Variants in ZNF717 observed in about 807,000 individuals in gnomAD.
ZNF717 encodes krueppel-like factor X17.
A neutral mutation model predicts 13.8 loss-of-function variants in ZNF717; 9 were observed. The observed-to-expected ratio is 0.65, with a 90% confidence interval of 0.39 to 1.14. The LOEUF (loss-of-function observed/expected upper bound fraction) is 1.14, where lower values mean the gene tolerates loss of function less well. ZNF717 is among the 50% of genes most tolerant of loss of function. The probability of loss-of-function intolerance (pLI) is 0.01; values close to 1 mark genes in which losing one functional copy is unlikely to be tolerated. For synonymous variants in ZNF717, 327 were observed against 364.1 expected (o/e 0.90, Z 1.16); for missense variants, 1,040 against 1,080.7 (o/e 0.96, Z 0.53).
At chr3:75,741,068 G>A (rs1485395846) in intron 4 of ZNF717, among the ~76,000 whole-genome samples, 2 of 152,192 alleles carry the variant, frequency 1.3e-5, no homozygotes, top group Non-Finnish European at 2.9e-5. Flanking sequence ...TGGATTTGGG[G>A]TAAATAGAAG....
At chr3:75,775,065 G>T (rs780073826) in intron 2 of ZNF717, among the ~76,000 whole-genome samples, 2 of 138,088 alleles carry the variant, frequency 1.4e-5, no homozygotes, top group African/African-American at 5.3e-5. Context: ...GGGTTCAAGC[G>T]ATTCTCCTGC....
At chr3:75,774,784 C>A (rs1323883790) in intron 2 of ZNF717, among the ~76,000 whole-genome samples, 2 of 151,804 alleles carry the variant, frequency 1.3e-5, no homozygotes, top group African/African-American at 2.4e-5. Context: ...CCACGCCTGG[C>A]TAATTTTTGT....
At chr3:75,712,748 C>T (rs1448268871) in intron 5 of ZNF717, among the ~76,000 whole-genome samples, 12 of 152,198 alleles carry the variant, frequency 7.9e-5, no homozygotes, top group Non-Finnish European at 1.6e-4. Flanking sequence ...CTTCACATCT[C>T]TCTCTTCTAC....
Position 75,762,075 on chromosome 3 carries a change from GAA to G in ZNF717, c.58-20341_58-20340del, listed in dbSNP as rs544755359. On this transcript the variant is annotated intron_variant, in intron 2 of 4. Coordinates refer to ENST00000652011, the MANE Select transcript of ZNF717 (RefSeq NM_001290208.3). ...TCTCAAAAAAAAGAAAGAAAGGAAA[GAA>G]AGAGAGAGAAAGAAAAGAAAAAAAG... 9.9e-5 allele frequency among the ~76,000 whole-genome samples: 14 copies of G among 142,102 alleles called. No homozygotes were observed. The East Asian group carries it at 1.6e-3, about 17-fold the overall frequency. The allele number at this position is 142,102 out of a possible 152,430, so 93.2% of individuals were successfully genotyped here. A position where few individuals can be genotyped will look rare whatever the true frequency, so the allele number is the denominator to read the frequency against.
At position 75,739,065 on chromosome 3, in the gene ZNF717, G is replaced by C. The variant is rs1939972481; in HGVS notation, c.558C>G (p.Thr186=). The change falls in exon 5 of 5, where the codon ACC becomes ACG. Residue 186 remains threonine (T), a synonymous_variant. Transcript: ENST00000652011. ...GTTCATGATGTCTGTGGGATCTCCT[G>C]GTTATATCACAGACATGAGGTTTCT... ...SGEKPHVCDI[T]RRSHRHHEHL... 1 of 1,551,448 alleles carries C rather than the reference G, an allele frequency of 6.4e-7. No homozygotes were observed. The highest frequency in any genetic ancestry group is 2.0e-5 in the Admixed American group (1 of 50,974).
chr3:75,762,759 A>G (rs1943140820), intron 2 of ZNF717, among the ~76,000 whole-genome samples: 1 of 152,214 alleles, frequency 6.6e-6, no homozygotes, highest in African/African-American at 2.4e-5. Context: ...ATCAATCTTG[A>G]AACAGAACAA....
intron 2 of ZNF717, among the ~76,000 whole-genome samples, chr3:75,767,150 C>A (rs1943535084): frequency 6.6e-6 from 1 of 152,250 alleles, no homozygotes; most frequent in South Asian, 2.1e-4. Context: ...CAGGAAATCC[C>A]ACTTCCCTGA....
intron 2 of ZNF717, among the ~76,000 whole-genome samples, chr3:75,765,590 T>C (rs1052507904): frequency 7.0e-6 from 1 of 143,380 alleles, no homozygotes; most frequent in Non-Finnish European, 1.5e-5. Flanking sequence ...TTTGGTTTGG[T>C]TTTTTTGTAG....
intron 1 of ZNF717, among the ~76,000 whole-genome samples, chr3:75,784,373 T>C (rs1180724124): frequency 1.3e-5 from 2 of 152,360 alleles, no homozygotes; most frequent in East Asian, 3.9e-4. Flanking sequence ...TGAACAGAAT[T>C]CAATATGTTT....
intron 4 of ZNF717, among the ~76,000 whole-genome samples, chr3:75,724,957 T>G (rs1419434015): frequency 6.6e-6 from 1 of 152,284 alleles, no homozygotes; most frequent in Non-Finnish European, 1.5e-5. Flanking sequence ...TCTTAAGTAT[T>G]CTTCTACTCA....
chr3:75,776,551 C>G (rs572470765), intron 2 of ZNF717, among the ~76,000 whole-genome samples: 29 of 152,356 alleles, frequency 1.9e-4, no homozygotes, highest in Admixed American at 3.3e-4. Context: ...CCTTCACAAT[C>G]TAGAATCTGA....
chr3:75,741,106 G>A (rs1431682960), intron 4 of ZNF717, among the ~76,000 whole-genome samples, 170 bp downstream of exon 4: 3 of 152,304 alleles, frequency 2.0e-5, no homozygotes, highest in East Asian at 1.9e-4. Flanking sequence ...AAGAGACTGG[G>A]ATATATGCAT....
Position 75,736,327 on chromosome 3 carries a change from C to T in ZNF717, c.*551G>A, listed in dbSNP as rs559741342. 1 of 154,498 alleles carries T rather than the reference C, an allele frequency of 6.5e-6. No homozygotes were observed. The highest frequency in any genetic ancestry group is 2.4e-5 in the African/African-American group (1 of 41,586). 9.6% of individuals were successfully genotyped at this position (154,498 alleles called of 1,614,324 possible). A position where few individuals can be genotyped will look rare whatever the true frequency, so the allele number is the denominator to read the frequency against. ...AAATCAAAAGGTAGAAATCATCGAG[C>T]TTAGTGAAGAAAGCATGTTGGAAGC... On this transcript the variant is annotated 3_prime_UTR_variant, in exon 5 of 5. Coordinates refer to ENST00000652011, the MANE Select transcript of ZNF717 (RefSeq NM_001290208.3).
At chr3:75,777,715 C>A (rs562748137) in intron 2 of ZNF717, among the ~76,000 whole-genome samples, 8 of 146,510 alleles carry the variant, frequency 5.5e-5, no homozygotes, top group Non-Finnish European at 9.0e-5. Context: ...ATGGGAGTGA[C>A]GTGCTAAACC....
chr3:75,698,820 G>A (rs1937633814), intron 6 of ZNF717, among the ~76,000 whole-genome samples: 1 of 152,310 alleles, frequency 6.6e-6, no homozygotes, highest in African/African-American at 2.4e-5. Flanking sequence ...GCGAGGAGAA[G>A]ATCACTGTCC....
downstream of ZNF717, among the ~76,000 whole-genome samples, chr3:75,708,335 C>T (rs528443730): frequency 6.6e-6 from 1 of 152,302 alleles, no homozygotes; most frequent in Non-Finnish European, 1.5e-5. Context: ...GCAGCCACTG[C>T]TGCTGATACC....
rs373125994 is a variant in ZNF717 at position 75,778,813 on chromosome 3, C to T, written c.57+4493G>A. 1.8e-4 allele frequency among the ~76,000 whole-genome samples: 25 copies of T among 137,518 alleles called. 1 individual carries two copies. In the East Asian group the frequency reaches 3.7e-3, roughly 20 times the overall value. The allele number at this position is 137,518 out of a possible 152,430, so 90.2% of individuals were successfully genotyped here. A position where few individuals can be genotyped will look rare whatever the true frequency, so the allele number is the denominator to read the frequency against. ...AACAATGGGAGTGATATGCTAAAAC[C>T]GGAACCCAAAATAATGGGAGTGAGG... is the stretch of plus-strand genomic sequence containing the variant. On this transcript the variant is annotated intron_variant, in intron 2 of 4. Coordinates refer to ENST00000652011, the MANE Select transcript of ZNF717 (RefSeq NM_001290208.3).
chr3:75,741,406 C>T (rs778822202), intron 3 of ZNF717, 38 bp from the exon 4 acceptor site: 93 of 1,452,080 alleles, frequency 6.4e-5, no homozygotes, highest in Non-Finnish European at 8.6e-5. Context: ...TGTCAAACCA[C>T]TAAGTCAAAT....
chr3:75,766,737 G>A (rs78071749), intron 2 of ZNF717, among the ~76,000 whole-genome samples: 1 of 39,858 alleles, frequency 2.5e-5, no homozygotes, highest in Non-Finnish European at 9.0e-5. Context: ...CAGACTGTAT[G>A]TCCATCTATT....
Sources: allele counts gnomAD v4.1 joint callset (sites outside exome capture counted in the v4.1 genomes callset), GRCh38; gene constraint gnomAD v4.1.1; transcripts MANE v1.5; gene names NCBI Gene and HGNC (gene_info 2026-07-23, HGNC 2026-07-21).